THSD7B: variants seen among roughly 807,000 people sequenced by gnomAD.
The protein encoded by THSD7B is thrombospondin type-1 domain-containing protein 7B.
THSD7B carries 138 observed loss-of-function variants against 213.6 expected under a neutral mutation model. That is an observed-to-expected ratio of 0.65 (90% CI 0.56 to 0.74). The LOEUF (loss-of-function observed/expected upper bound fraction) is 0.74. Among genes scored for constraint, THSD7B ranks in the 30% least tolerant of loss-of-function variants. THSD7B has a pLI of 0.00. For missense variants in THSD7B, 1,931 were observed against 1,991.5 expected (o/e 0.97, Z 0.58); for synonymous variants, 742 against 687.0 (o/e 1.08, Z -1.25).
At chr2:136,918,093 G>T (rs1684376614) in intron 2 of THSD7B, among the ~76,000 whole-genome samples, 1 of 152,098 alleles carries the variant, frequency 6.6e-6, no homozygotes, top group African/African-American at 2.4e-5. Context: ...ACAGTTGGTT[G>T]TGGATTTTGG....
At chr2:137,002,592 TA>T (rs1383794484) in intron 2 of THSD7B, among the ~76,000 whole-genome samples, 13 of 152,196 alleles carry the variant, frequency 8.5e-5, no homozygotes, top group Admixed American at 8.5e-4. Flanking sequence ...CCTTTGCTTT[TA>T]TTCTCTGTTC....
At position 137,267,371 on chromosome 2, in the gene THSD7B, T is replaced by C. The variant is rs148461033; in HGVS notation, c.2267-5162T>C. ...GGCCTAATGAGGTTGGAAACATCAC[T>C]CACAAAAGCTTACAAATATGGCACT... On this transcript the variant is annotated intron_variant, in intron 10 of 27. Transcript: ENST00000409968. Among the ~76,000 whole-genome samples the C allele has an allele frequency of 5.2e-3, 792 of 152,292 alleles. 2 individuals are homozygous for C. The highest frequency in any genetic ancestry group is 0.014 in the South Asian group (66 of 4,820).
intron 12 of THSD7B, among the ~76,000 whole-genome samples, chr2:137,322,638 C>T (rs1238821927): frequency 2.6e-5 from 4 of 152,198 alleles, no homozygotes; most frequent in Admixed American, 6.5e-5. Flanking sequence ...TTCTTCATTT[C>T]ATAAATATCA....
intron 5 of THSD7B, among the ~76,000 whole-genome samples, chr2:137,152,784 C>A (rs1275513781): frequency 2.0e-5 from 3 of 152,126 alleles, no homozygotes; most frequent in Admixed American, 6.5e-5. Context: ...ACTCTTGGAC[C>A]TTTTGAAAGC....
At chr2:137,487,292 C>T (rs1189382642) in intron 15 of THSD7B, among the ~76,000 whole-genome samples, 11 of 129,138 alleles carry the variant, frequency 8.5e-5, no homozygotes, top group South Asian at 2.5e-4. Flanking sequence ...GGCGTGAACC[C>T]GGGAAGCGGA....
chr2:136,778,754 A>G (rs2104904294), intron 1 of THSD7B, among the ~76,000 whole-genome samples: 1 of 152,314 alleles, frequency 6.6e-6, no homozygotes, highest in Middle Eastern at 3.4e-3. Context: ...TTCAAGAGAT[A>G]GAAGAGAATG....
intron 17 of THSD7B, among the ~76,000 whole-genome samples, chr2:137,594,524 A>C (rs1488232283): frequency 1.3e-5 from 2 of 152,016 alleles, no homozygotes; most frequent in East Asian, 1.9e-4. Flanking sequence ...TCAAGTAAAC[A>C]GCTATGTGTT....
Position 136,969,467 on chromosome 2 carries a change from A to T in THSD7B, c.140-86953A>T, listed in dbSNP as rs148956767. Among the ~76,000 whole-genome samples, 446 of 152,316 alleles carry T rather than the reference A, an allele frequency of 2.9e-3. 4 individuals carry two copies. Among genetic ancestry groups the T allele is most frequent in the African/African-American group, 0.01 (424 of 41,580 alleles). On this transcript the variant is annotated intron_variant, in intron 2 of 27. Transcript: ENST00000409968. ...GAATATTTAATCTTAATAATGTTTG[A>T]ATTTCACAAAGCATCAAACATCATG...
chr2:136,782,502 G>A (rs1681760403), intron 1 of THSD7B, among the ~76,000 whole-genome samples: 1 of 152,102 alleles, frequency 6.6e-6, no homozygotes, highest in Non-Finnish European at 1.5e-5. Flanking sequence ...TCAGCTGGGT[G>A]CAGATTTTTG....
intron 2 of THSD7B, among the ~76,000 whole-genome samples, chr2:136,935,491 T>A (rs1433269049): frequency 6.6e-6 from 1 of 152,144 alleles, no homozygotes; most frequent in Non-Finnish European, 1.5e-5. Flanking sequence ...GGATGGAAGA[T>A]TTGAATATGT....
intron 2 of THSD7B, among the ~76,000 whole-genome samples, chr2:136,886,723 G>A (rs1369628259): frequency 2.0e-5 from 3 of 152,206 alleles, no homozygotes; most frequent in African/African-American, 7.2e-5. Flanking sequence ...TGTGGGATGG[G>A]TGATACTGAC....
intron 21 of THSD7B, among the ~76,000 whole-genome samples, chr2:137,643,035 G>T (rs1216652067): frequency 6.6e-6 from 1 of 152,034 alleles, no homozygotes; most frequent in Non-Finnish European, 1.5e-5. Context: ...ACACTTTTAG[G>T]GTTAGACAAA....
At chr2:137,643,715 G>A (rs1682978698) in intron 21 of THSD7B, among the ~76,000 whole-genome samples, 1 of 152,048 alleles carries the variant, frequency 6.6e-6, no homozygotes, top group South Asian at 2.1e-4. Flanking sequence ...GAGAAAATAA[G>A]CTCAAAGAAT....
chr2:137,011,984 A>G (rs545283825), intron 2 of THSD7B, among the ~76,000 whole-genome samples: 14 of 152,312 alleles, frequency 9.2e-5, no homozygotes, highest in Non-Finnish European at 2.1e-4. Context: ...CACATAAAAA[A>G]TACGTGGAAT....
In THSD7B at chr2:136,882,139, T is replaced by G; in HGVS notation, c.-35-5T>G. The G allele has an allele frequency of 2.1e-6, 3 of 1,450,878 alleles. No individual in the cohort carries two copies. The highest frequency in any genetic ancestry group is 2.7e-6 in the Non-Finnish European group (3 of 1,100,482). 89.9% of individuals were successfully genotyped at this position (1,450,878 alleles called of 1,614,324 possible). A position where few individuals can be genotyped will look rare whatever the true frequency, so the allele number is the denominator to read the frequency against. On this transcript the variant is annotated splice_polypyrimidine_tract_variant and splice_region_variant and intron_variant, in intron 1 of 27. Transcript: ENST00000409968. ...ACTTACCTGATTTTTCTTTTTCTCT[T>G]TTAGGAATAGGCAAGTCAAGAGGCT...
intron 5 of THSD7B, among the ~76,000 whole-genome samples, chr2:137,136,680 C>T (rs1164513998): frequency 2.0e-5 from 3 of 152,152 alleles, no homozygotes; most frequent in Non-Finnish European, 4.4e-5. Context: ...ATTTTAGGCT[C>T]AATTAGCCAC....
At chr2:137,061,798 G>A (rs1180513502) in intron 3 of THSD7B, among the ~76,000 whole-genome samples, 2 of 151,836 alleles carry the variant, frequency 1.3e-5, no homozygotes, top group Non-Finnish European at 3.0e-5. Flanking sequence ...GTATGTTTAT[G>A]AGAAATGTTG....
chr2:137,559,184 T>G (rs564955356), intron 15 of THSD7B, among the ~76,000 whole-genome samples: 1 of 152,200 alleles, frequency 6.6e-6, no homozygotes, highest in South Asian at 2.1e-4. Context: ...AAGCTACCAA[T>G]GACTTTCTTC....
chr2:137,493,122 CAAAAAAAA>C (rs376770053), intron 15 of THSD7B, among the ~76,000 whole-genome samples: 5 of 44,204 alleles, frequency 1.1e-4, no homozygotes, highest in South Asian at 2.0e-3. Context: ...CTCTCTCTCT[CAAAAAAAA>C]AAAAAAAAAA....
Sources: gnomAD v4.1 joint callset for allele counts (sites outside exome capture counted in the v4.1 genomes callset) on GRCh38, gnomAD v4.1.1 for gene constraint, MANE v1.5 for transcripts, NCBI Gene and HGNC (gene_info 2026-07-23, HGNC 2026-07-21) for gene names.